Variants in DZIP1 observed in about 807,000 individuals in gnomAD.
The protein encoded by DZIP1 is cilium assembly protein DZIP1.
DZIP1 carries 97 observed loss-of-function variants against 107.6 expected under a neutral mutation model. That is an observed-to-expected ratio of 0.90 (90% confidence interval 0.77 to 1.07). The LOEUF is 1.07. DZIP1 is among the 50% of genes least tolerant of loss of function. The pLI, the probability that DZIP1 is intolerant of heterozygous loss-of-function variation, is 0.00. For missense variants in DZIP1, 1,035 were observed against 1,063.6 expected (o/e 0.97, Z 0.37); for synonymous variants, 390 against 386.4 (o/e 1.01, Z -0.11).
chr13:95,609,380 A>C (rs1015728387), intron 13 of DZIP1, 77 bp downstream of exon 13: 2 of 958,904 alleles, frequency 2.1e-6, no homozygotes, highest in Admixed American at 7.2e-5. Context: ...GCCTCTAAAA[A>C]TAGTAAGTAA....
chr13:95,578,569 G>T lies in DZIP1; in HGVS notation c.*3665C>A. The T allele has an allele frequency of 6.6e-6, 1 of 152,240 alleles. No homozygotes were observed. The highest frequency in any genetic ancestry group is 1.5e-5 in the Non-Finnish European group (1 of 68,032). The allele number at this position is 152,240 out of a possible 1,614,324, so 9.4% of individuals were successfully genotyped here. On this transcript the variant is annotated 3_prime_UTR_variant, in exon 23 of 23. Transcript: ENST00000376829. ...TTTTTGTTGAAGCAGCAAGTTATCT[G>T]GTAGAACTTAACTTCTACAGGATCA...
At chr13:95,600,043 A>T (rs984120764) in intron 14 of DZIP1, among the ~76,000 whole-genome samples, 6 of 152,162 alleles carry the variant, frequency 3.9e-5, no homozygotes, top group African/African-American at 1.4e-4. Context: ...TCCCAATCTC[A>T]CCCCAGAATG....
chr13:95,583,555 T>TA (rs1000640021), intron 22 of DZIP1, among the ~76,000 whole-genome samples: 3 of 151,824 alleles, frequency 2.0e-5, no homozygotes, highest in East Asian at 1.9e-4. Context: ...TTTTCTAATT[T>TA]AAAAAAAAAT....
At chr13:95,625,044 A>T in intron 7 of DZIP1, 115 bp from the exon 8 acceptor site, 1 of 916,328 alleles carries the variant, frequency 1.1e-6, no homozygotes, top group South Asian at 1.8e-5. Context: ...TGCTTATTTC[A>T]GTGAGGCTTG....
intron 8 of DZIP1, among the ~76,000 whole-genome samples, chr13:95,623,946 A>G (rs1207187280): frequency 1.3e-5 from 2 of 152,244 alleles, no homozygotes; most frequent in Admixed American, 1.3e-4. Context: ...CTTGAAAAAA[A>G]TAAAAAGTAA....
chr13:95,631,503 C>A (rs1418148373), intron 6 of DZIP1, among the ~76,000 whole-genome samples: 1 of 151,882 alleles, frequency 6.6e-6, no homozygotes, highest in African/African-American at 2.4e-5. Context: ...ATAAGAATTT[C>A]TGTGGGTTAC....
chr13:95,628,747 G>A (rs949146996), intron 7 of DZIP1, among the ~76,000 whole-genome samples: 2 of 152,182 alleles, frequency 1.3e-5, no homozygotes, highest in African/African-American at 4.8e-5. Flanking sequence ...GATAAACTTT[G>A]AGGACATTAT....
Position 95,610,109 on chromosome 13 carries a change from T to TGAGAGA in DZIP1, c.1364-597_1364-596insTCTCTC, listed in dbSNP as rs1434649198. 3.4e-3 allele frequency among the ~76,000 whole-genome samples: 429 copies of TGAGAGA among 125,656 alleles called. 7 individuals carry two copies. The highest frequency in any genetic ancestry group is 4.3e-3 in the Middle Eastern group (1 of 232). 82.4% of individuals were successfully genotyped at this position (125,656 alleles called of 152,430 possible). A position where few individuals can be genotyped will look rare whatever the true frequency, so the allele number is the denominator to read the frequency against. ...GTGTGTGTGTGTGTGTGTGTGTGTG[T>TGAGAGA]GTGAGAGAGAGACAGAGAGAGAGAG... On this transcript the variant is annotated intron_variant, in intron 12 of 22. Transcript: ENST00000376829.
intron 7 of DZIP1, among the ~76,000 whole-genome samples, 156 bp downstream of exon 7, chr13:95,629,833 G>A (rs1876983896): frequency 6.6e-6 from 1 of 152,164 alleles, no homozygotes; most frequent in South Asian, 2.1e-4. Context: ...GATGTGCTTT[G>A]TAGTAAGATA....
intron 10 of DZIP1, among the ~76,000 whole-genome samples, chr13:95,615,716 G>C (rs1207289474): frequency 6.6e-6 from 1 of 152,184 alleles, no homozygotes; most frequent in African/African-American, 2.4e-5. Context: ...GAGCTTCACA[G>C]GTGAGTGCCT....
intron 16 of DZIP1, among the ~76,000 whole-genome samples, chr13:95,591,089 C>G (rs1439433419): frequency 6.8e-6 from 1 of 146,160 alleles, no homozygotes; most frequent in African/African-American, 2.6e-5. Flanking sequence ...AGTGCAATGG[C>G]GCAATCTCAG....
chr13:95,601,808 G>A lies in DZIP1; in HGVS notation c.1478-2384C>T, dbSNP rs148176376. Among the ~76,000 whole-genome samples the A allele has an allele frequency of 2.6e-5, 4 of 152,256 alleles. No homozygotes were observed. In the East Asian group the frequency reaches 5.8e-4, roughly 22 times the overall value. ...TGCCACCGCTGTCCACCCATTATCA[G>A]AGTTCACTGTGCTCTGACTTTCCTT... is the stretch of plus-strand genomic sequence containing the variant. On this transcript the variant is annotated intron_variant, in intron 14 of 22. Transcript: ENST00000376829.
rs752738094 is a variant in DZIP1 at position 95,586,144 on chromosome 13, A to T, written c.2219-8T>A. On this transcript the variant is annotated splice_polypyrimidine_tract_variant and splice_region_variant and intron_variant, in intron 20 of 22. Transcript: ENST00000376829. ...GTGTTTTAACGGCGACTCCTATAAG[A>T]TCAATAAAAATTAGGCAAGTTAAGT... The T allele has an allele frequency of 1.3e-6, 2 of 1,581,964 alleles. No homozygotes were observed. Among genetic ancestry groups the T allele is most frequent in the Non-Finnish European group, 8.5e-7 (1 of 1,170,232 alleles).
chr13:95,589,911 A>G lies in DZIP1; in HGVS notation c.1865T>C (p.Met622Thr). 2 of 1,614,172 alleles carry G rather than the reference A, an allele frequency of 1.2e-6. No individual in the cohort carries two copies. The highest frequency in any genetic ancestry group is 1.7e-6 in the Non-Finnish European group (2 of 1,180,014). Residue 622 changes from methionine (M) to threonine (T), a missense_variant, in exon 18 of 23, where the codon ATG (methionine) becomes ACG (threonine). Met to Thr is a moderately conservative substitution (Grantham distance 81, BLOSUM62 -1). Coordinates refer to ENST00000376829, the MANE Select transcript of DZIP1 (RefSeq NM_198968.4). ...TACTTCTCCAGTTGAAAGGGTATCC[A>G]TTTGAGAAACACTGCACTGATCTGG... Reference protein sequence around the residue: ...LSSDQCSVSQMDTLSTGEVPK... With the variant: ...LSSDQCSVSQTDTLSTGEVPK...
chr13:95,612,751 A>C (rs1594695778), intron 10 of DZIP1, among the ~76,000 whole-genome samples: 2 of 152,120 alleles, frequency 1.3e-5, no homozygotes, highest in Admixed American at 6.5e-5. Context: ...TACCTGGCTA[A>C]ATTTTGTATT....
chr13:95,593,317 T>C (rs1401845023), intron 16 of DZIP1, among the ~76,000 whole-genome samples: 1 of 152,230 alleles, frequency 6.6e-6, no homozygotes, highest in Non-Finnish European at 1.5e-5. Flanking sequence ...TGTGTGCCCA[T>C]GCATGCATAT....
intron 8 of DZIP1, 121 bp from the exon 9 acceptor site, chr13:95,622,601 A>T (rs1284650339): frequency 9.9e-7 from 1 of 1,012,846 alleles, no homozygotes; most frequent in African/African-American, 1.6e-5. Context: ...ACGCTCCTGG[A>T]CGCTCTTGGA....
intron 8 of DZIP1, among the ~76,000 whole-genome samples, chr13:95,624,464 A>T (rs1057407290): frequency 2.0e-5 from 3 of 152,180 alleles, no homozygotes; most frequent in Non-Finnish European, 4.4e-5. Context: ...TCCAAAACTC[A>T]GGGAGGAGTT....
At chr13:95,602,964 A>G (rs2138998631) in intron 14 of DZIP1, among the ~76,000 whole-genome samples, 1 of 152,220 alleles carries the variant, frequency 6.6e-6, no homozygotes, top group East Asian at 1.9e-4. Flanking sequence ...AATTTTCAGT[A>G]TTTCAAGATG....
Sources: gnomAD v4.1 joint callset for allele counts (sites outside exome capture counted in the v4.1 genomes callset) on GRCh38, gnomAD v4.1.1 for gene constraint, MANE v1.5 for transcripts, NCBI Gene and HGNC (gene_info 2026-07-23, HGNC 2026-07-21) for gene names.